ITPR2: variants seen among roughly 807,000 people sequenced by gnomAD.
ITPR2 encodes the protein inositol 1,4,5-trisphosphate receptor type 2.
A neutral mutation model predicts 317.1 loss-of-function variants in ITPR2; 207 were observed. That is an observed-to-expected ratio of 0.65 (90% confidence interval 0.58 to 0.73). ITPR2 has a LOEUF of 0.73. Ranked by LOEUF, ITPR2 falls within the 30% of genes least tolerant of loss-of-function variation. The probability of loss-of-function intolerance (pLI) is 0.00; values close to 1 mark genes in which losing one functional copy is unlikely to be tolerated. For missense variants in ITPR2, 2,613 were observed against 3,284.0 expected (o/e 0.80, Z 4.99); for synonymous variants, 1,156 against 1,149.1 (o/e 1.01, Z -0.12).
intron 37 of ITPR2, among the ~76,000 whole-genome samples, chr12:26,536,896 T>C (rs951826490): frequency 1.3e-5 from 2 of 152,172 alleles, no homozygotes; most frequent in Non-Finnish European, 2.9e-5. Flanking sequence ...GCTAAGAATT[T>C]TAAAAGAAGG....
At chr12:26,399,466 G>A (rs1476887500) in intron 53 of ITPR2, among the ~76,000 whole-genome samples, 7 of 152,158 alleles carry the variant, frequency 4.6e-5, no homozygotes, top group Non-Finnish European at 8.8e-5. Context: ...GGCCATACAG[G>A]GTCAAGTATA....
At chr12:26,543,271 T>G (rs1204505035) in intron 37 of ITPR2, among the ~76,000 whole-genome samples, 4 of 152,134 alleles carry the variant, frequency 2.6e-5, no homozygotes, top group Admixed American at 2.6e-4. Flanking sequence ...TTTGGACCTC[T>G]AAAGTATCTT....
At chr12:26,813,022 T>TA (rs1950783206) in intron 1 of ITPR2, among the ~76,000 whole-genome samples, 1 of 152,260 alleles carries the variant, frequency 6.6e-6, no homozygotes, top group African/African-American at 2.4e-5. Context: ...TGGTTGAAGA[T>TA]ACTGACTTTT....
In ITPR2 at chr12:26,617,662, G is replaced by GGGAGGGAAGGAAGGAGGGAAGGAA. The variant is rs772041496; in HGVS notation, c.3462+3437_3462+3460dup. Among the ~76,000 whole-genome samples, 929 of 122,352 alleles carry GGGAGGGAAGGAAGGAGGGAAGGAA rather than the reference G, an allele frequency of 7.6e-3. 37 individuals carry two copies. The highest frequency in any genetic ancestry group is 0.024 in the African/African-American group (801 of 33,142). 80.3% of individuals were successfully genotyped at this position (122,352 alleles called of 152,430 possible). ...AAAAAGAAAAGAAAGGAGGGACGGA[G>GGGAGGGAAGGAAGGAGGGAAGGAA]GGAGGGAAGGAAGGAGGGAAGGAAG... On this transcript the variant is annotated intron_variant, in intron 26 of 56. Coordinates refer to ENST00000381340, the MANE Select transcript of ITPR2 (RefSeq NM_002223.4).
intron 3 of ITPR2, 95 bp downstream of exon 3, chr12:26,725,555 T>G (rs1565720251): frequency 1.5e-5 from 12 of 779,920 alleles, no homozygotes; most frequent in Non-Finnish European, 2.6e-5. Context: ...CTCTGTGTTT[T>G]GGGTGAAAGG....
Position 26,452,506 on chromosome 12 carries a change from G to A in ITPR2, c.6343-8856C>T, listed in dbSNP as rs541334608. Among the ~76,000 whole-genome samples the A allele has an allele frequency of 2.0e-4, 31 of 152,288 alleles. 1 individual carries two copies. In the South Asian group the frequency reaches 6.4e-3, roughly 32 times the overall value. ...ATTTCTATACTGCTTTGCATGGAGT[G>A]TGTCACCCATAATGCATGTGTTGGA... On this transcript the variant is annotated intron_variant, in intron 45 of 56. Coordinates refer to ENST00000381340, the MANE Select transcript of ITPR2 (RefSeq NM_002223.4).
At chr12:26,612,712 C>T (rs11048616) in intron 26 of ITPR2, among the ~76,000 whole-genome samples, 34,736 of 152,132 alleles carry the variant, frequency 0.23, 4,398 homozygotes, top group East Asian at 0.51. Flanking sequence ...AGCCTCTTAA[C>T]GGGTGTCCCA....
chr12:26,571,097 C>T (rs1212269304), intron 34 of ITPR2, among the ~76,000 whole-genome samples: 1 of 152,194 alleles, frequency 6.6e-6, no homozygotes, highest in Non-Finnish European at 1.5e-5. Context: ...AGTCCTACAT[C>T]TTAGAAGACA....
In ITPR2 at chr12:26,602,672, G is replaced by A. The variant is rs996553846; in HGVS notation, c.3497C>T (p.Thr1166Ile). ...SNILSPVQDG[T>I]KKPQIDSNKS... ...GTTGCTGTCAATCTGAGGTTTCTTT[G>A]TTCCATCCTGCACTGGACTTAAAAT... The change falls in exon 27 of 57, where the codon ACA becomes ATA. Residue 1166 changes from threonine (T) to isoleucine (I), a missense_variant. Around this residue, in one of 9 missense-constraint regions of ITPR2, gnomAD observed 817 missense variants for 897.6 expected, o/e 0.91. Transcript: ENST00000381340. The A allele has an allele frequency of 5.6e-6, 9 of 1,611,134 alleles. No homozygotes were observed. The highest frequency in any genetic ancestry group is 7.6e-6 in the Non-Finnish European group (9 of 1,178,096).
intron 1 of ITPR2, among the ~76,000 whole-genome samples, chr12:26,806,785 T>C (rs573099712): frequency 2.0e-5 from 3 of 152,200 alleles, no homozygotes; most frequent in African/African-American, 7.2e-5. Flanking sequence ...AGCAATCCTC[T>C]TGCCTCGGGC....
intron 45 of ITPR2, among the ~76,000 whole-genome samples, chr12:26,470,855 T>C (rs999338038): frequency 2.6e-5 from 4 of 152,190 alleles, no homozygotes; most frequent in African/African-American, 9.7e-5. Context: ...GATTAATGTA[T>C]GAGGATGTTA....
intron 55 of ITPR2, among the ~76,000 whole-genome samples, chr12:26,387,107 T>C (rs1352409108): frequency 1.3e-5 from 2 of 152,206 alleles, no homozygotes; most frequent in East Asian, 3.8e-4. Flanking sequence ...AAGTTCCAGA[T>C]TTCAGGAAGT....
chr12:26,477,584 G>A (rs1942448522), intron 43 of ITPR2, among the ~76,000 whole-genome samples: 1 of 152,030 alleles, frequency 6.6e-6, no homozygotes, highest in South Asian at 2.1e-4. Flanking sequence ...CAGGCGATAT[G>A]CAACTTTGTT....
chr12:26,530,872 A>T (rs1040825785), intron 37 of ITPR2, among the ~76,000 whole-genome samples: 1 of 152,250 alleles, frequency 6.6e-6, no homozygotes, highest in Admixed American at 6.5e-5. Flanking sequence ...GAAGTCATAA[A>T]AATTACATTC....
chr12:26,566,956 A>C (rs2137042904), intron 34 of ITPR2, among the ~76,000 whole-genome samples: 1 of 152,262 alleles, frequency 6.6e-6, no homozygotes, highest in East Asian at 1.9e-4. Context: ...CTTCACACAT[A>C]AACTGGGTTT....
At chr12:26,759,727 C>T (rs1949594572) in intron 2 of ITPR2, among the ~76,000 whole-genome samples, 1 of 152,220 alleles carries the variant, frequency 6.6e-6, no homozygotes, top group African/African-American at 2.4e-5. Context: ...ACAACAAGGG[C>T]TCCTTATGAC....
intron 10 of ITPR2, among the ~76,000 whole-genome samples, chr12:26,687,057 A>G (rs546000471): frequency 1.2e-4 from 18 of 152,338 alleles, no homozygotes; most frequent in African/African-American, 3.4e-4. Context: ...CCCAGGCATA[A>G]TAATACTTGG....
At chr12:26,385,558 C>T (rs1468502499) in intron 55 of ITPR2, among the ~76,000 whole-genome samples, 2 of 152,124 alleles carry the variant, frequency 1.3e-5, no homozygotes, top group Non-Finnish European at 2.9e-5. Context: ...TAGAGGTTTC[C>T]CCTCGTTGAT....
At chr12:26,817,057 T>A (rs1950869035) in intron 1 of ITPR2, among the ~76,000 whole-genome samples, 1 of 151,386 alleles carries the variant, frequency 6.6e-6, no homozygotes, top group South Asian at 2.1e-4. Context: ...GGCATGCACC[T>A]GTAGTCCCAG....
Sources: allele counts gnomAD v4.1 joint callset (sites outside exome capture counted in the v4.1 genomes callset), GRCh38; gene constraint gnomAD v4.1.1; regional missense constraint gnomAD v4.1.1; transcripts MANE v1.5; gene names NCBI Gene and HGNC (gene_info 2026-07-23, HGNC 2026-07-21).